CELF2: variants seen among roughly 807,000 people sequenced by gnomAD.
CELF2 encodes CUGBP Elav-like family member 2.
A neutral mutation model predicts 62.6 loss-of-function variants in CELF2; 8 were observed. That is an observed-to-expected ratio of 0.13 (90% CI 0.07 to 0.23). CELF2 has a LOEUF of 0.23. Ranked by LOEUF, CELF2 falls within the 10% of genes least tolerant of loss-of-function variation. The pLI is 1.00. For missense variants in CELF2, 333 were observed against 671.0 expected, an observed-to-expected ratio of 0.50 and a Z score of 5.56; for synonymous variants, 258 against 250.0, an observed-to-expected ratio of 1.03 and a Z score of -0.30.
At chr10:10,769,768 AAAT>A in the CELF2 span, among the ~76,000 whole-genome samples, 1,840 of 151,768 alleles carry the variant, frequency 0.012, 27 homozygotes, top group African/African-American at 0.036. Flanking sequence ...CAACTCCAAA[AAAT>A]AATAATAATA....
chr10:10,654,296 G>A, the CELF2 span, among the ~76,000 whole-genome samples: 1 of 112,180 alleles, frequency 8.9e-6, no homozygotes, highest in African/African-American at 3.3e-5. Context: ...GGTACAAGGA[G>A]GAACTGGTAC....
intron 2 of CELF2, among the ~76,000 whole-genome samples, chr10:10,961,960 G>A (rs2049554896): frequency 6.6e-6 from 1 of 151,896 alleles, no homozygotes; most frequent in Non-Finnish European, 1.5e-5. Context: ...CAGGTGCGGT[G>A]ACTCATGCTT....
At chr10:11,199,238 A>T (rs1188490224) in intron 2 of CELF2, among the ~76,000 whole-genome samples, 3 of 152,154 alleles carry the variant, frequency 2.0e-5, no homozygotes, top group South Asian at 2.1e-4. Flanking sequence ...ACAGTATGAG[A>T]TGCATCACCT....
At chr10:10,967,403 A>G (rs2050235665) in intron 2 of CELF2, among the ~76,000 whole-genome samples, 1 of 152,116 alleles carries the variant, frequency 6.6e-6, no homozygotes, top group Non-Finnish European at 1.5e-5. Context: ...ACACTTTCCT[A>G]CTCCTCATTT....
chr10:11,173,499 A>T (rs2069724935), intron 2 of CELF2, among the ~76,000 whole-genome samples: 1 of 151,936 alleles, frequency 6.6e-6, no homozygotes. Flanking sequence ...TTAATTAAAA[A>T]ATCATGACAT....
In CELF2 at chr10:10,968,532, G is replaced by T. The variant is rs562706804; in HGVS notation, c.89+48533G>T. ...AGTATTGTATATTTTATTGCTGTCTGTGTGAAGTGGGAGTGTACAGGGAGC... is the reference window on the plus strand; with the variant it reads ...AGTATTGTATATTTTATTGCTGTCTTTGTGAAGTGGGAGTGTACAGGGAGC... On this transcript the variant is annotated intron_variant, in intron 2 of 13. Transcript: ENST00000636488. Among the ~76,000 whole-genome samples the T allele has an allele frequency of 7.7e-4, 117 of 152,290 alleles. 2 individuals are homozygous for T. The highest frequency in any genetic ancestry group is 1.4e-3 in the Non-Finnish European group (98 of 68,028).
At chr10:10,705,010 G>T in the CELF2 span, among the ~76,000 whole-genome samples, 1 of 151,700 alleles carries the variant, frequency 6.6e-6, no homozygotes, top group South Asian at 2.1e-4. Context: ...GCAACATGGC[G>T]AGACCTGGTC....
At chr10:11,283,422 A>T (rs1357475545) in intron 8 of CELF2, among the ~76,000 whole-genome samples, 2 of 152,174 alleles carry the variant, frequency 1.3e-5, no homozygotes. Flanking sequence ...CATCATGGCC[A>T]CTCAGTAATT....
chr10:10,858,908 A>T (rs963331112), intron 1 of CELF2, among the ~76,000 whole-genome samples: 8 of 152,198 alleles, frequency 5.3e-5, no homozygotes, highest in African/African-American at 1.9e-4. Flanking sequence ...ATAAAGCACT[A>T]TGTACGCAGG....
chr10:10,632,255 A>G, the CELF2 span, among the ~76,000 whole-genome samples: 2 of 152,320 alleles, frequency 1.3e-5, no homozygotes, highest in East Asian at 1.9e-4. Context: ...AGACAGATGC[A>G]AAGAGTTGGG....
At chr10:10,671,165 C>CAA in the CELF2 span, among the ~76,000 whole-genome samples, 28 of 62,728 alleles carry the variant, frequency 4.5e-4, 1 homozygote, top group East Asian at 1.8e-3. Flanking sequence ...GATCCTGTCT[C>CAA]AAAAAAAAAA....
chr10:11,195,858 G>T (rs1284687435), intron 2 of CELF2, among the ~76,000 whole-genome samples: 1 of 152,204 alleles, frequency 6.6e-6, no homozygotes, highest in Non-Finnish European at 1.5e-5. Context: ...GCCGAAGAGT[G>T]GGTGGACAAA....
chr10:10,920,159 C>T (rs10905866), intron 2 of CELF2, among the ~76,000 whole-genome samples: 49,107 of 152,052 alleles, frequency 0.32, 8,708 homozygotes, highest in East Asian at 0.71. Flanking sequence ...ATTATGCATG[C>T]GTCACATATA....
At chr10:10,926,670 C>T (rs731229) in intron 2 of CELF2, among the ~76,000 whole-genome samples, 44,920 of 151,978 alleles carry the variant, frequency 0.3, 7,451 homozygotes, top group East Asian at 0.7. Flanking sequence ...GGGAGGAATC[C>T]CTTTTCCATG....
At chr10:11,155,669 C>A (rs1179558445) in intron 1 of CELF2, among the ~76,000 whole-genome samples, 1 of 152,132 alleles carries the variant, frequency 6.6e-6, no homozygotes, top group Admixed American at 6.5e-5. Flanking sequence ...AAATACATAT[C>A]CCTCTTCACA....
chr10:10,853,506 T>A (rs2059517568), intron 1 of CELF2, among the ~76,000 whole-genome samples: 1 of 152,036 alleles, frequency 6.6e-6, no homozygotes, highest in South Asian at 2.1e-4. Context: ...TCTGGAAGTC[T>A]AGGAAACATA....
At chr10:11,112,505 C>G (rs980033483) in intron 1 of CELF2, among the ~76,000 whole-genome samples, 1 of 152,174 alleles carries the variant, frequency 6.6e-6, no homozygotes. Context: ...ATGAGAGGGA[C>G]TAGAACCGTT....
chr10:11,275,946 G>A (rs1051164375), intron 8 of CELF2, among the ~76,000 whole-genome samples: 8 of 152,174 alleles, frequency 5.3e-5, no homozygotes, highest in African/African-American at 1.9e-4. Flanking sequence ...TTCCAAAAAG[G>A]TGGGGGGAGA....
At chr10:10,843,738 T>C (rs2058832645) in intron 1 of CELF2, among the ~76,000 whole-genome samples, 1 of 152,058 alleles carries the variant, frequency 6.6e-6, no homozygotes, top group South Asian at 2.1e-4. Flanking sequence ...CTACATGATC[T>C]ACTGATAGAA....
Sources: allele counts gnomAD v4.1 joint callset (sites outside exome capture counted in the v4.1 genomes callset), GRCh38; gene constraint gnomAD v4.1.1; transcripts MANE v1.5; gene names NCBI Gene and HGNC (gene_info 2026-07-23, HGNC 2026-07-21).